PRCP: variants seen among roughly 807,000 people sequenced by gnomAD.
PRCP encodes lysosomal Pro-X carboxypeptidase.
A neutral mutation model predicts 54.2 loss-of-function variants in PRCP; 46 were observed. That is an observed-to-expected ratio of 0.85 (90% CI 0.67 to 1.09). The LOEUF (loss-of-function observed/expected upper bound fraction) is 1.09. Among genes scored for constraint, PRCP ranks in the 50% least tolerant of loss-of-function variants. PRCP has a pLI of 0.00. For synonymous variants in PRCP, 240 were observed against 212.2 expected, an observed-to-expected ratio of 1.13 and a Z score of -1.14; for missense variants, 613 against 596.8, an observed-to-expected ratio of 1.03 and a Z score of -0.28.
chr11:82,896,202 A>G (rs778842154), intron 1 of PRCP, among the ~76,000 whole-genome samples: 4 of 152,336 alleles, frequency 2.6e-5, no homozygotes, highest in Non-Finnish European at 2.9e-5. Flanking sequence ...AACTCTGACA[A>G]CAACCTTGGT....
intron 8 of PRCP, chr11:82,826,435 A>G (rs1858236064): frequency 6.6e-6 from 1 of 152,188 alleles, no homozygotes; most frequent in South Asian, 2.1e-4. Flanking sequence ...GAACATTCAC[A>G]TACAAGTTTT....
chr11:82,864,667 A>G (rs568705571), intron 1 of PRCP, among the ~76,000 whole-genome samples: 45 of 151,966 alleles, frequency 3.0e-4, no homozygotes, highest in Non-Finnish European at 5.9e-4. Flanking sequence ...AAGGAAACAA[A>G]CCTCTCTAGT....
chr11:82,847,316 C>G (rs1475628967), intron 6 of PRCP, among the ~76,000 whole-genome samples: 1 of 152,168 alleles, frequency 6.6e-6, no homozygotes, highest in Non-Finnish European at 1.5e-5. Flanking sequence ...TCCTCCTAAC[C>G]CAGTGCAATG....
At chr11:82,846,118 G>A (rs531164108) in intron 6 of PRCP, 14 of 152,160 alleles carry the variant, frequency 9.2e-5, no homozygotes, top group African/African-American at 3.4e-4. Flanking sequence ...ACCATCCTAA[G>A]CCTGAGTTAC....
At chr11:82,899,515 C>T (rs1860202077) in intron 1 of PRCP, among the ~76,000 whole-genome samples, 1 of 152,204 alleles carries the variant, frequency 6.6e-6, no homozygotes, top group South Asian at 2.1e-4. Context: ...GATTACTTGT[C>T]ATTTCACAGA....
At chr11:82,842,315 A>G (rs1344791798) in intron 6 of PRCP, among the ~76,000 whole-genome samples, 2 of 152,312 alleles carry the variant, frequency 1.3e-5, no homozygotes, top group East Asian at 1.9e-4. Flanking sequence ...CCAGTTACAC[A>G]GAGAGAACAT....
rs1307309913 is a variant in PRCP, at chr11:82,824,984, C to T, written c.1413G>A (p.Leu471=). 1.9e-6 allele frequency: 3 copies of T among 1,614,002 alleles called. No homozygotes were observed. Among genetic ancestry groups the T allele is most frequent in the Non-Finnish European group, 2.5e-6 (3 of 1,179,996 alleles). Residue 471 remains leucine (L), a synonymous_variant, in exon 9 of 9, where the codon CTG becomes CTA. Transcript: ENST00000313010. ...GTCTAACTTCCAAGGAGCGGGCTAACAGCACAGACATAGGATCCAAGGCAT... is the reference window on the plus strand; with the variant it reads ...GTCTAACTTCCAAGGAGCGGGCTAATAGCACAGACATAGGATCCAAGGCAT... The part of the protein sequence containing the change: ...TKNALDPMSV[L]LARSLEVRHM...
chr11:82,823,124 C>G lies in PRCP; in HGVS notation c.*1782G>C, dbSNP rs1356721951. 6.6e-6 allele frequency among the ~76,000 whole-genome samples: 1 copy of G among 151,992 alleles called. No homozygotes were observed. Among genetic ancestry groups the G allele is most frequent in the Non-Finnish European group, 1.5e-5 (1 of 67,984 alleles). On this transcript the variant is annotated 3_prime_UTR_variant, in exon 9 of 9. Transcript: ENST00000313010. ...CAGTAATAGGATACAATTATGCTTG[C>G]CAAAAAATTCTATTTTTTGCAGTTT...
intron 1 of PRCP, among the ~76,000 whole-genome samples, chr11:82,873,265 G>A (rs1288908706): frequency 6.6e-6 from 1 of 151,996 alleles, no homozygotes; most frequent in Non-Finnish European, 1.5e-5. Context: ...AATGAAGAAG[G>A]ACTCAATATA....
rs1377759705 is a variant in PRCP at position 82,824,702 on chromosome 11, C to T, written c.*204G>A. On this transcript the variant is annotated 3_prime_UTR_variant, in exon 9 of 9. Transcript: ENST00000313010. ...AGCTATCAAGAAGATTCTTCCTAGA[C>T]GTGGTGCAAAGACAGTGAGAACCCA... 5.3e-6 allele frequency: 3 copies of T among 566,454 alleles called. No individual in the cohort carries two copies. The highest frequency in any genetic ancestry group is 1.9e-5 in the African/African-American group (1 of 53,100). The allele number at this position is 566,454 out of a possible 1,614,324, so 35.1% of individuals were successfully genotyped here.
chr11:82,894,260 A>G (rs896154266), intron 1 of PRCP, among the ~76,000 whole-genome samples: 3 of 152,216 alleles, frequency 2.0e-5, no homozygotes, highest in Non-Finnish European at 4.4e-5. Context: ...ATTATAATAT[A>G]AATCAACTAT....
intron 1 of PRCP, among the ~76,000 whole-genome samples, chr11:82,882,891 A>C (rs1859785114): frequency 7.1e-6 from 1 of 139,862 alleles, no homozygotes; most frequent in African/African-American, 2.9e-5. Flanking sequence ...ACTGCCACAG[A>C]CCCTTTTTTA....
chr11:82,870,692 C>T (rs191704382), intron 1 of PRCP, among the ~76,000 whole-genome samples: 37 of 152,264 alleles, frequency 2.4e-4, no homozygotes, highest in African/African-American at 7.9e-4. Context: ...ATGCCTAGGC[C>T]TCCATAAAGC....
At chr11:82,844,436 TAAAA>T (rs1858752730) in intron 6 of PRCP, among the ~76,000 whole-genome samples, 1 of 142,134 alleles carries the variant, frequency 7.0e-6, no homozygotes, top group Non-Finnish European at 1.5e-5. Flanking sequence ...AAAAAATAAA[TAAAA>T]GAAAGAAAGA....
At chr11:82,835,702 A>G in intron 8 of PRCP, 1 of 329,408 alleles carries the variant, frequency 3.0e-6, no homozygotes, top group Admixed American at 3.9e-5. Context: ...CTGATGTTCT[A>G]GATGACTTGA....
rs555542856 is a variant in PRCP at position 82,875,669 on chromosome 11, G to C, written c.169-15552C>G. 9.4e-4 allele frequency among the ~76,000 whole-genome samples: 143 copies of C among 152,302 alleles called. 1 individual carries two copies. Among genetic ancestry groups the C allele is most frequent in the African/African-American group, 3.3e-3 (139 of 41,570 alleles). On this transcript the variant is annotated intron_variant, in intron 1 of 8. Coordinates refer to ENST00000313010, the MANE Select transcript of PRCP (RefSeq NM_005040.4). ...TGAAAGAGGCCACAGTCTACCAGAG[G>C]AGACAAGCAAGCAAAGAAATTATTT...
chr11:82,879,605 G>T (rs901044342), intron 1 of PRCP, among the ~76,000 whole-genome samples: 1 of 152,182 alleles, frequency 6.6e-6, no homozygotes, highest in Non-Finnish European at 1.5e-5. Flanking sequence ...TGGAGGAGAA[G>T]AGGCACTCTG....
chr11:82,824,922 G>A lies in PRCP; in HGVS notation c.1475C>T (p.Ala492Val), dbSNP rs771964202. Residue 492 changes from alanine to valine, a missense_variant, in exon 9 of 9, where the codon GCG becomes GTG. By Grantham distance (64) the Ala-to-Val change is moderately conservative. Coordinates refer to ENST00000313010, the MANE Select transcript of PRCP (RefSeq NM_005040.4). ...KNWIRDFYDS[A>V]GKQH is the part of the protein sequence containing the mutation. Reference sequence around the variant, plus strand: ...AAAAGTTTCTCAGTGCTGCTTTCCCGCACTGTCATAGAAATCTCTGATCCA... The same window carrying A: ...AAAAGTTTCTCAGTGCTGCTTTCCCACACTGTCATAGAAATCTCTGATCCA... The A allele has an allele frequency of 2.5e-5, 40 of 1,613,656 alleles. No individual in the cohort carries two copies. Among genetic ancestry groups the A allele is most frequent in the Non-Finnish European group, 3.2e-5 (38 of 1,179,830 alleles).
chr11:82,829,678 C>T (rs772014959), intron 8 of PRCP: 15 of 152,162 alleles, frequency 9.9e-5, no homozygotes, highest in African/African-American at 1.4e-4. Context: ...CCATGAGAGC[C>T]GAGATTTTTG....
Sources: allele counts gnomAD v4.1 joint callset (sites outside exome capture counted in the v4.1 genomes callset), GRCh38; gene constraint gnomAD v4.1.1; transcripts MANE v1.5; gene names NCBI Gene and HGNC (gene_info 2026-07-23, HGNC 2026-07-21).